ADGRL4: variants seen among roughly 807,000 people sequenced by gnomAD.
ADGRL4 encodes EGF, latrophilin and seven transmembrane domain containing 1.
A neutral mutation model predicts 74.8 loss-of-function variants in ADGRL4; 90 were observed. The observed-to-expected ratio is 1.20, with a 90% confidence interval of 1.02 to 1.43. The LOEUF is 1.43. ADGRL4 is among the 40% of genes most tolerant of loss of function. ADGRL4 has a pLI of 0.00. For missense variants in ADGRL4, 881 were observed against 814.3 expected, an observed-to-expected ratio of 1.08 and a Z score of -1.00; for synonymous variants, 311 against 279.2, an observed-to-expected ratio of 1.11 and a Z score of -1.14.
intron 8 of ADGRL4, among the ~76,000 whole-genome samples, chr1:78,925,983 C>T (rs1649104562): frequency 6.6e-6 from 1 of 152,006 alleles, no homozygotes; most frequent in African/African-American, 2.4e-5. Flanking sequence ...CTTTTTCCCT[C>T]AACATAGTGC....
chr1:78,981,907 A>G (rs1650403730), intron 2 of ADGRL4, among the ~76,000 whole-genome samples: 1 of 151,736 alleles, frequency 6.6e-6, no homozygotes, highest in South Asian at 2.1e-4. Flanking sequence ...TTTATGTTCA[A>G]TATATAGTAA....
At chr1:78,988,965 T>C (rs1214985277) in intron 2 of ADGRL4, among the ~76,000 whole-genome samples, 1 of 151,876 alleles carries the variant, frequency 6.6e-6, no homozygotes, top group East Asian at 1.9e-4. Flanking sequence ...AATTTCATAA[T>C]AATAATTAAA....
At chr1:78,910,802 T>G (rs1340594823) in intron 12 of ADGRL4, among the ~76,000 whole-genome samples, 1 of 151,816 alleles carries the variant, frequency 6.6e-6, no homozygotes, top group African/African-American at 2.4e-5. Context: ...CCTTTTCAAG[T>G]ACAGTCACAA....
At chr1:78,919,218 C>A (rs989773412) in intron 10 of ADGRL4, among the ~76,000 whole-genome samples, 1 of 151,878 alleles carries the variant, frequency 6.6e-6, no homozygotes, top group Non-Finnish European at 1.5e-5. Flanking sequence ...AATATGGAGG[C>A]AATTTCACTT....
chr1:78,921,780 C>A lies in ADGRL4; in HGVS notation c.1090G>T (p.Asp364Tyr). The A allele has an allele frequency of 6.8e-7, 1 of 1,476,216 alleles. No homozygotes were observed. The highest frequency in any genetic ancestry group is 1.4e-5 in the South Asian group (1 of 71,852). The allele number at this position is 1,476,216 out of a possible 1,614,324, so 91.4% of individuals were successfully genotyped here. Reference protein sequence around the residue: ...TFTLSHRKVTDRYRSLCAFWN... With the variant: ...TFTLSHRKVTYRYRSLCAFWN... ...AATGCACATAGACTCCTATACCTATCTGTGACCTGAAAAAAAGATACTTTA... is the reference window on the plus strand; with the variant it reads ...AATGCACATAGACTCCTATACCTATATGTGACCTGAAAAAAAGATACTTTA... The change falls in exon 9 of 15, where the codon GAT (aspartate) becomes TAT (tyrosine). Residue 364 changes from aspartate to tyrosine, a missense_variant. By Grantham distance (160) the Asp-to-Tyr change is radical. Coordinates refer to ENST00000370742, the MANE Select transcript of ADGRL4 (RefSeq NM_022159.4).
At chr1:78,964,139 A>G (rs1269582429) in intron 2 of ADGRL4, among the ~76,000 whole-genome samples, 55 of 152,272 alleles carry the variant, frequency 3.6e-4, no homozygotes, top group South Asian at 4.1e-4. Flanking sequence ...TTGATATATA[A>G]TTTAAGATAT....
intron 12 of ADGRL4, among the ~76,000 whole-genome samples, chr1:78,901,442 C>T (rs1270458942): frequency 6.6e-6 from 1 of 152,010 alleles, no homozygotes; most frequent in East Asian, 1.9e-4. Context: ...ATAAAATGTC[C>T]TAAAAGTATG....
chr1:78,918,076 A>T, intron 10 of ADGRL4, 26 bp from the exon 11 acceptor site: 1 of 1,518,968 alleles, frequency 6.6e-7, no homozygotes, highest in Non-Finnish European at 9.0e-7. Context: ...AAAAAAAAAA[A>T]CATTGTCAGT....
chr1:78,900,182 G>GTC (rs1318242232), intron 12 of ADGRL4, among the ~76,000 whole-genome samples: 2 of 152,062 alleles, frequency 1.3e-5, no homozygotes, highest in Non-Finnish European at 2.9e-5. Flanking sequence ...TAGGAGCCCC[G>GTC]TCTCACAGCC....
At chr1:78,894,106 T>A (rs992315649) in intron 12 of ADGRL4, among the ~76,000 whole-genome samples, 6 of 151,922 alleles carry the variant, frequency 3.9e-5, no homozygotes, top group Non-Finnish European at 8.8e-5. Context: ...CACTTTGAAA[T>A]GACAACAACA....
At chr1:79,003,386 G>GT (rs35968494) in intron 2 of ADGRL4, among the ~76,000 whole-genome samples, 120 of 146,912 alleles carry the variant, frequency 8.2e-4, no homozygotes, top group South Asian at 8.7e-4. Flanking sequence ...TGTATATGGA[G>GT]TTTTTTTTTT....
chr1:78,937,945 C>T lies in ADGRL4; in HGVS notation c.622G>A (p.Val208Ile). 6.2e-7 allele frequency: 1 copy of T among 1,613,000 alleles called. No individual in the cohort carries two copies. Among genetic ancestry groups the T allele is most frequent in the Non-Finnish European group, 8.5e-7 (1 of 1,179,712 alleles). Residue 208 changes from valine to isoleucine, a missense_variant, in exon 6 of 15, where the codon GTA becomes ATA. Transcript: ENST00000370742. ...VNNFVQRDTFVVWDKLSVNHR... is the reference protein window; with the variant it reads ...VNNFVQRDTFIVWDKLSVNHR... ...TTCACAGATAACTTGTCCCAAACTA[C>T]AAATGTATCCCTTTGAACAAAATTA...
At chr1:78,910,197 C>G (rs1489402) in intron 12 of ADGRL4, among the ~76,000 whole-genome samples, 43,139 of 151,582 alleles carry the variant, frequency 0.28, 6,198 homozygotes, top group Middle Eastern at 0.32. Context: ...ATTTGTGCTA[C>G]TAAAAAATGT....
Position 78,917,975 on chromosome 1 carries a change from T to C in ADGRL4, c.1537A>G (p.Ile513Val), listed in dbSNP as rs1304608471. 4 of 1,612,338 alleles carry C rather than the reference T, an allele frequency of 2.5e-6. No individual in the cohort carries two copies. The highest frequency in any genetic ancestry group is 1.1e-5 in the South Asian group (1 of 91,052). ...CCCACAACAATGAGATAGAGATGTA[T>C]GCCTTCAATGCACATCCATGCAAAA... Reference protein sequence around the residue: ...AAFAWMCIEGIHLYLIVVGVI... With the variant: ...AAFAWMCIEGVHLYLIVVGVI... Residue 513 changes from isoleucine to valine, a missense_variant, in exon 11 of 15, where the codon ATA (isoleucine) becomes GTA (valine). Coordinates refer to ENST00000370742, the MANE Select transcript of ADGRL4 (RefSeq NM_022159.4).
At chr1:78,995,999 A>G (rs1278386954) in intron 2 of ADGRL4, among the ~76,000 whole-genome samples, 7 of 152,234 alleles carry the variant, frequency 4.6e-5, no homozygotes, top group Non-Finnish European at 8.8e-5. Context: ...TCCAATAATT[A>G]AAACGTGGAG....
At chr1:78,913,637 A>G (rs1009630077) in intron 12 of ADGRL4, among the ~76,000 whole-genome samples, 1 of 151,736 alleles carries the variant, frequency 6.6e-6, no homozygotes, top group Non-Finnish European at 1.5e-5. Flanking sequence ...TAGAAGATGG[A>G]AGGAGGGAGA....
At chr1:78,997,196 G>A (rs138968992) in intron 2 of ADGRL4, among the ~76,000 whole-genome samples, 15 of 152,032 alleles carry the variant, frequency 9.9e-5, no homozygotes, top group African/African-American at 2.9e-4. Context: ...AAGTCAAATC[G>A]GGATATAAAA....
chr1:78,956,406 A>G (rs1649830293), intron 2 of ADGRL4, among the ~76,000 whole-genome samples: 1 of 152,166 alleles, frequency 6.6e-6, no homozygotes. Flanking sequence ...GATTACCTCT[A>G]AGCAAGAAAT....
At chr1:78,976,948 T>A (rs1037273386) in intron 2 of ADGRL4, among the ~76,000 whole-genome samples, 1 of 151,734 alleles carries the variant, frequency 6.6e-6, no homozygotes, top group Non-Finnish European at 1.5e-5. Flanking sequence ...TTAACGCTGG[T>A]ACCAAAATCA....
Sources: allele counts gnomAD v4.1 joint callset (sites outside exome capture counted in the v4.1 genomes callset), GRCh38; gene constraint gnomAD v4.1.1; transcripts MANE v1.5; gene names NCBI Gene and HGNC (gene_info 2026-07-23, HGNC 2026-07-21).